ABCC1: variants seen among roughly 807,000 people sequenced by gnomAD.
ABCC1 encodes the protein multidrug resistance-associated protein 1.
ABCC1 carries 83 observed loss-of-function variants against 172.9 expected under a neutral mutation model. The ratio of observed to expected loss-of-function variants is 0.48; its 90% CI spans 0.40 to 0.58. The LOEUF (loss-of-function observed/expected upper bound fraction) is 0.58, where lower values mean the gene tolerates loss of function less well. Among genes scored for constraint, ABCC1 ranks in the 20% least tolerant of loss-of-function variants. ABCC1 has a pLI of 0.00. For synonymous variants in ABCC1, 937 were observed against 825.2 expected (o/e 1.14, Z -2.32); for missense variants, 1,817 against 2,002.7 (o/e 0.91, Z 1.77).
intron 13 of ABCC1, among the ~76,000 whole-genome samples, chr16:16,071,371 T>C (rs1271178716): frequency 6.6e-6 from 1 of 152,076 alleles, no homozygotes; most frequent in Non-Finnish European, 1.5e-5. Flanking sequence ...GTGCTGGGAT[T>C]ACAGGTTTGA....
At position 16,083,457 on chromosome 16, in the gene ABCC1, A is replaced by G; in HGVS notation, c.2207A>G (p.Tyr736Cys). The change falls in exon 17 of 31, where the codon TAT (tyrosine) becomes TGT (cysteine). Residue 736 changes from tyrosine to cysteine, a missense_variant. Coordinates refer to ENST00000399410, the MANE Select transcript of ABCC1 (RefSeq NM_004996.4). ...TTTGGATGTCAGCTGGAGGAACCAT[A>G]TTACAGGTCCGTGATACAGGCCTGT... ...ILFGCQLEEP[Y>C]YRSVIQACAL... The G allele has an allele frequency of 6.2e-7, 1 of 1,613,956 alleles. No homozygotes were observed. The highest frequency in any genetic ancestry group is 1.1e-5 in the South Asian group (1 of 91,066).
At chr16:16,078,636 G>A (rs2050683222) in intron 15 of ABCC1, among the ~76,000 whole-genome samples, 1 of 152,042 alleles carries the variant, frequency 6.6e-6, no homozygotes, top group Non-Finnish European at 1.5e-5. Context: ...CTCTCCACAT[G>A]TTTCTGTGTG....
intron 28 of ABCC1, among the ~76,000 whole-genome samples, chr16:16,135,151 G>A (rs2045871921): frequency 1.3e-5 from 2 of 152,174 alleles, no homozygotes; most frequent in Non-Finnish European, 1.5e-5. Flanking sequence ...CCTTCCAAGA[G>A]CTAGACAAGA....
At chr16:15,991,374 C>T (rs769009361) in intron 1 of ABCC1, among the ~76,000 whole-genome samples, 14 of 152,046 alleles carry the variant, frequency 9.2e-5, no homozygotes, top group Admixed American at 6.6e-5. Flanking sequence ...CAAAACAGAG[C>T]GCCACTCCAG....
At chr16:16,059,841 A>G (rs1465849744) in intron 12 of ABCC1, among the ~76,000 whole-genome samples, 2 of 150,170 alleles carry the variant, frequency 1.3e-5, no homozygotes, top group African/African-American at 4.9e-5. Context: ...CCCCCACAAA[A>G]AAAAATTAGC....
intron 19 of ABCC1, chr16:16,099,028 T>C: frequency 3.6e-6 from 3 of 822,588 alleles, no homozygotes; most frequent in South Asian, 2.6e-5. Flanking sequence ...CGGTTGTTCA[T>C]TGGTTCATTT....
chr16:16,034,108 G>A (rs1329687641), intron 6 of ABCC1, among the ~76,000 whole-genome samples: 1 of 131,854 alleles, frequency 7.6e-6, no homozygotes, highest in African/African-American at 2.9e-5. Flanking sequence ...GCTCACTGCA[G>A]TCCCAATCTA....
rs558268417 is a variant in ABCC1 at position 16,119,736 on chromosome 16, G to C, written c.3391-2239G>C. 2.0e-5 allele frequency among the ~76,000 whole-genome samples: 3 copies of C among 152,252 alleles called. No individual in the cohort carries two copies. In the East Asian group the frequency reaches 5.8e-4, roughly 29 times the overall value. ...CTGAACAAATATTCATCTCAGGTTA[G>C]ATTTTTCCAGTAAGTAAGGTTCAGA... is the stretch of plus-strand genomic sequence containing the variant. On this transcript the variant is annotated intron_variant, in intron 23 of 30. Coordinates refer to ENST00000399410, the MANE Select transcript of ABCC1 (RefSeq NM_004996.4).
intron 29 of ABCC1, 24 bp downstream of exon 29, chr16:16,136,668 C>T (rs2152165651): frequency 6.2e-7 from 1 of 1,612,182 alleles, no homozygotes; most frequent in South Asian, 1.1e-5. Context: ...AACAAGGAGA[C>T]ACCGGGTAAG....
At chr16:16,137,666 C>CCTCTGCCT (rs79911380) in intron 29 of ABCC1, among the ~76,000 whole-genome samples, 21,861 of 147,636 alleles carry the variant, frequency 0.15, 1,626 homozygotes, top group East Asian at 0.26. Context: ...AATTGTTCTG[C>CCTCTGCCT]CTCTGCCTCC....
Position 16,116,051 on chromosome 16 carries a change from C to T in ABCC1, c.3390+975C>T, listed in dbSNP as rs544328377. Among the ~76,000 whole-genome samples the T allele has an allele frequency of 2.5e-4, 38 of 152,014 alleles. No individual in the cohort carries two copies. The East Asian group carries it at 5.4e-3, about 22-fold the overall frequency. On this transcript the variant is annotated intron_variant, in intron 23 of 30. Coordinates refer to ENST00000399410, the MANE Select transcript of ABCC1 (RefSeq NM_004996.4). The stretch of plus-strand genomic sequence containing the variant: ...CCGAGTAGCTGGGACTACAGGCGCC[C>T]GCCACTACGCCCAGCTAATTTTTTT...
At chr16:16,136,756 G>T in intron 29 of ABCC1, 112 bp downstream of exon 29, 1 of 1,283,840 alleles carries the variant, frequency 7.8e-7, no homozygotes, top group South Asian at 1.5e-5. Context: ...AGTCCCAGAT[G>T]ACCATTTGTC....
chr16:16,136,430 A>G (rs763372204), intron 28 of ABCC1, 48 bp from the exon 29 acceptor site: 77 of 1,599,714 alleles, frequency 4.8e-5, no homozygotes, highest in Non-Finnish European at 6.2e-5. Context: ...CATCCATGTC[A>G]GCGTGACACA....
At chr16:15,977,244 T>A (rs188625986) in intron 1 of ABCC1, among the ~76,000 whole-genome samples, 1 of 152,320 alleles carries the variant, frequency 6.6e-6, no homozygotes, top group East Asian at 1.9e-4. Context: ...TCACAACTTC[T>A]GGGAGCTTTT....
upstream of ABCC1, chr16:15,949,533 C>CGGGGT (rs1485957687): frequency 1.9e-4 from 1 of 5,244 alleles, no homozygotes; most frequent in Non-Finnish European, 2.7e-4. Flanking sequence ...CGGGGCGGGG[C>CGGGGT]GGGGTGGGGC....
chr16:16,101,975 A>G (rs1299633867), intron 19 of ABCC1, among the ~76,000 whole-genome samples: 1 of 152,174 alleles, frequency 6.6e-6, no homozygotes, highest in African/African-American at 2.4e-5. Context: ...TCAATCAGGG[A>G]AGGGTCCACT....
At chr16:15,992,264 A>C (rs887888895) in intron 1 of ABCC1, among the ~76,000 whole-genome samples, 31 of 152,222 alleles carry the variant, frequency 2.0e-4, no homozygotes, top group African/African-American at 7.5e-4. Context: ...TGAGTTGTAT[A>C]ATTATTTCAT....
intron 20 of ABCC1, 71 bp from the exon 21 acceptor site, chr16:16,106,667 C>T (rs2052127558): frequency 3.1e-6 from 5 of 1,596,744 alleles, no homozygotes; most frequent in Non-Finnish European, 4.3e-6. Context: ...CAATAGCAGT[C>T]CCAGCAGGGA....
chr16:16,037,517 A>G (rs1036144623), intron 7 of ABCC1, among the ~76,000 whole-genome samples: 1 of 152,218 alleles, frequency 6.6e-6, no homozygotes. Flanking sequence ...AAACAAGGAC[A>G]TAAGACTTGT....
Sources: gnomAD v4.1 joint callset for allele counts (sites outside exome capture counted in the v4.1 genomes callset) on GRCh38, gnomAD v4.1.1 for gene constraint, MANE v1.5 for transcripts, NCBI Gene and HGNC (gene_info 2026-07-23, HGNC 2026-07-21) for gene names.